XYLT1: variants seen among roughly 807,000 people sequenced by gnomAD.
XYLT1 encodes the protein beta-D-xylosyltransferase 1.
Under a neutral mutation model 91.3 loss-of-function variants are expected in XYLT1, and 36 were observed. The ratio of observed to expected loss-of-function variants is 0.39; its 90% CI spans 0.30 to 0.52. The LOEUF (loss-of-function observed/expected upper bound fraction) is 0.52. Among genes scored for constraint, XYLT1 ranks in the 20% least tolerant of loss-of-function variants. The probability of loss-of-function intolerance (pLI) is 0.68; values close to 1 mark genes in which losing one functional copy is unlikely to be tolerated. For synonymous variants in XYLT1, 588 were observed against 532.0 expected (o/e 1.11, Z -1.45); for missense variants, 1,242 against 1,284.5 (o/e 0.97, Z 0.51).
At chr16:17,301,740 T>C (rs2034399238) in intron 2 of XYLT1, among the ~76,000 whole-genome samples, 1 of 152,160 alleles carries the variant, frequency 6.6e-6, no homozygotes, top group African/African-American at 2.4e-5. Context: ...AATGCTAATA[T>C]CAACTCTCAC....
At chr16:17,186,029 A>C (rs1193680820) in intron 5 of XYLT1, among the ~76,000 whole-genome samples, 1 of 152,176 alleles carries the variant, frequency 6.6e-6, no homozygotes, top group East Asian at 1.9e-4. Context: ...ACACAGAGAG[A>C]GAGAGAGAAA....
chr16:17,291,981 G>A (rs1472969599), intron 2 of XYLT1, among the ~76,000 whole-genome samples: 1 of 151,906 alleles, frequency 6.6e-6, no homozygotes, highest in Non-Finnish European at 1.5e-5. Context: ...GACCCCAGGA[G>A]TTCAAGACCA....
At chr16:17,316,165 A>G (rs1174273135) in intron 2 of XYLT1, among the ~76,000 whole-genome samples, 2 of 152,226 alleles carry the variant, frequency 1.3e-5, no homozygotes, top group Non-Finnish European at 2.9e-5. Context: ...GGAACCAAAC[A>G]GTGGAATCCA....
chr16:17,185,959 C>T (rs913680711), intron 5 of XYLT1, among the ~76,000 whole-genome samples: 7 of 152,016 alleles, frequency 4.6e-5, no homozygotes, highest in Admixed American at 3.3e-4. Context: ...GAGATTGTAC[C>T]ACACTCCAGC....
chr16:17,400,011 T>C (rs1033221187), intron 1 of XYLT1, among the ~76,000 whole-genome samples: 1 of 152,252 alleles, frequency 6.6e-6, no homozygotes, highest in Non-Finnish European at 1.5e-5. Context: ...AGCGGACTTC[T>C]TCTCCAACAG....
At chr16:17,424,965 G>A (rs558562757) in intron 1 of XYLT1, among the ~76,000 whole-genome samples, 1 of 151,694 alleles carries the variant, frequency 6.6e-6, no homozygotes, top group Non-Finnish European at 1.5e-5. Context: ...CATTTTAGGT[G>A]CTGAATCAGC....
At chr16:17,247,961 TAG>T (rs2033468334) in intron 3 of XYLT1, among the ~76,000 whole-genome samples, 2 of 152,148 alleles carry the variant, frequency 1.3e-5, no homozygotes, top group Non-Finnish European at 2.9e-5. Flanking sequence ...CATGATTCTG[TAG>T]AGAGAGGATG....
chr16:17,315,348 C>A (rs1407249446), intron 2 of XYLT1, among the ~76,000 whole-genome samples: 2 of 152,216 alleles, frequency 1.3e-5, no homozygotes, highest in Non-Finnish European at 2.9e-5. Context: ...CCCCTACTGG[C>A]ATGTTCTTCT....
At chr16:17,205,765 A>G (rs993741740) in intron 3 of XYLT1, among the ~76,000 whole-genome samples, 2 of 152,166 alleles carry the variant, frequency 1.3e-5, no homozygotes, top group African/African-American at 4.8e-5. Context: ...TTCCCTCTGC[A>G]GCGTATGCCC....
chr16:17,457,128 G>T (rs887264968), intron 1 of XYLT1, among the ~76,000 whole-genome samples: 1 of 152,044 alleles, frequency 6.6e-6, no homozygotes, highest in Non-Finnish European at 1.5e-5. Context: ...TTCTTAATAG[G>T]CACTCTAAAT....
intron 3 of XYLT1, among the ~76,000 whole-genome samples, chr16:17,222,031 G>A (rs1032032002): frequency 1.3e-5 from 2 of 152,186 alleles, no homozygotes; most frequent in Non-Finnish European, 2.9e-5. Flanking sequence ...TGCACAGAGA[G>A]GACAGCGATT....
chr16:17,378,622 C>T (rs1297607553), intron 1 of XYLT1, among the ~76,000 whole-genome samples: 4 of 152,150 alleles, frequency 2.6e-5, no homozygotes, highest in Non-Finnish European at 5.9e-5. Flanking sequence ...TTATGAAGCA[C>T]GTATTAGGTG....
intron 2 of XYLT1, among the ~76,000 whole-genome samples, chr16:17,272,275 A>G (rs1468522210): frequency 2.2e-5 from 3 of 136,276 alleles, no homozygotes; most frequent in Non-Finnish European, 3.0e-5. Context: ...AAATCCTCCC[A>G]CCTCAGCCTC....
At chr16:17,120,120 C>T (rs2029994978) in intron 10 of XYLT1, among the ~76,000 whole-genome samples, 1 of 152,180 alleles carries the variant, frequency 6.6e-6, no homozygotes, top group Non-Finnish European at 1.5e-5. Flanking sequence ...CAGGGACCAG[C>T]ACCTTCTGGG....
chr16:17,160,741 C>G (rs2031529158), intron 5 of XYLT1, among the ~76,000 whole-genome samples: 1 of 152,180 alleles, frequency 6.6e-6, no homozygotes, highest in Non-Finnish European at 1.5e-5. Context: ...CCCCATCGTG[C>G]ATGCCAAGGT....
In XYLT1 at chr16:17,102,772, T is replaced by A. The variant is rs976136727; in HGVS notation, c.*5923A>T. On this transcript the variant is annotated 3_prime_UTR_variant, in exon 12 of 12. Transcript: ENST00000261381. Reference sequence around the variant, plus strand: ...TAAAACTTTATTTACAGATTTTTTTTAAAATCAACACATTACAAAATATTT... The same window carrying A: ...TAAAACTTTATTTACAGATTTTTTTAAAAATCAACACATTACAAAATATTT... 13 of 152,610 alleles carry A rather than the reference T, an allele frequency of 8.5e-5. No individual in the cohort carries two copies. The highest frequency in any genetic ancestry group is 1.2e-4 in the Non-Finnish European group (8 of 68,038). The allele number at this position is 152,610 out of a possible 1,614,324, so 9.5% of individuals were successfully genotyped here. A position where few individuals can be genotyped will look rare whatever the true frequency, so the allele number is the denominator to read the frequency against.
chr16:17,284,746 C>T (rs1311165049), intron 2 of XYLT1, among the ~76,000 whole-genome samples: 2 of 152,244 alleles, frequency 1.3e-5, no homozygotes, highest in East Asian at 3.8e-4. Flanking sequence ...TACACCACTA[C>T]ACTACAGCCT....
At position 17,105,583 on chromosome 16, in the gene XYLT1, C is replaced by G. The variant is rs1315130070; in HGVS notation, c.*3112G>C. ...GCTGTCTCCTGAGCTCAATTTCTGC[C>G]TGAATGTCACTCGGTGGGTGGGAAA... On this transcript the variant is annotated 3_prime_UTR_variant, in exon 12 of 12. Coordinates refer to ENST00000261381, the MANE Select transcript of XYLT1 (RefSeq NM_022166.4). 8 of 152,132 alleles carry G rather than the reference C, an allele frequency of 5.3e-5. No homozygotes were observed. The highest frequency in any genetic ancestry group is 5.2e-4 in the Admixed American group (8 of 15,268). The allele number at this position is 152,132 out of a possible 1,614,324, so 9.4% of individuals were successfully genotyped here.
intron 2 of XYLT1, among the ~76,000 whole-genome samples, chr16:17,273,860 A>G (rs1208753429): frequency 6.6e-6 from 1 of 151,534 alleles, no homozygotes; most frequent in East Asian, 1.9e-4. Context: ...AAAAAAAAAA[A>G]ATTGAGAAGT....
Sources: allele counts gnomAD v4.1 joint callset (sites outside exome capture counted in the v4.1 genomes callset), GRCh38; gene constraint gnomAD v4.1.1; transcripts MANE v1.5; gene names NCBI Gene and HGNC (gene_info 2026-07-23, HGNC 2026-07-21).